C4orf33: variants seen among roughly 807,000 people sequenced by gnomAD.
C4orf33 encodes the protein chromosome 4 open reading frame 33.
A neutral mutation model predicts 24.3 loss-of-function variants in C4orf33; 20 were observed. The ratio of observed to expected loss-of-function variants is 0.82; its 90% confidence interval spans 0.58 to 1.19. The LOEUF is 1.19. C4orf33 is among the 50% of genes most tolerant of loss of function. The probability of loss-of-function intolerance (pLI) is 0.00; values close to 1 mark genes in which losing one functional copy is unlikely to be tolerated. For synonymous variants in C4orf33, 67 were observed against 76.4 expected (o/e 0.88, Z 0.64); for missense variants, 207 against 225.9 (o/e 0.92, Z 0.54).
intron 2 of C4orf33, among the ~76,000 whole-genome samples, chr4:129,105,085 A>G (rs186820327): frequency 6.6e-6 from 1 of 152,190 alleles, no homozygotes. Flanking sequence ...AGAAAGAGAG[A>G]GATCTATTTT....
intron 1 of C4orf33, among the ~76,000 whole-genome samples, chr4:129,097,288 A>G (rs1006950579): frequency 1.3e-5 from 2 of 152,234 alleles, no homozygotes; most frequent in Admixed American, 1.3e-4. Flanking sequence ...AGGTTTTTAA[A>G]AAGTGATGAA....
chr4:129,111,813 A>G lies in C4orf33; in HGVS notation c.*22A>G, dbSNP rs750065125. The G allele has an allele frequency of 2.8e-5, 39 of 1,404,094 alleles. No homozygotes were observed. The highest frequency in any genetic ancestry group is 3.5e-4 in the Middle Eastern group (2 of 5,676). The allele number at this position is 1,404,094 out of a possible 1,614,324, so 87.0% of individuals were successfully genotyped here. On this transcript the variant is annotated 3_prime_UTR_variant, in exon 6 of 6. Coordinates refer to ENST00000425929, the MANE Select transcript of C4orf33 (RefSeq NM_001099783.2). ...ATAGGAGTAATAGATAACCATACCG[A>G]TCATTTTTTCCTCTATACCTTTTAA... is the stretch of plus-strand genomic sequence containing the variant.
intron 1 of C4orf33, among the ~76,000 whole-genome samples, chr4:129,099,589 T>C (rs1753294584): frequency 1.3e-5 from 2 of 152,200 alleles, no homozygotes; most frequent in Non-Finnish European, 2.9e-5. Flanking sequence ...TAAACAAATA[T>C]GTAATGCCAT....
intron 1 of C4orf33, among the ~76,000 whole-genome samples, chr4:129,099,106 C>A (rs1192481528): frequency 6.6e-6 from 1 of 152,166 alleles, no homozygotes; most frequent in East Asian, 1.9e-4. Flanking sequence ...TTATTTAACT[C>A]TCTTTTTATT....
chr4:129,109,131 C>T (rs1255368095), intron 3 of C4orf33, among the ~76,000 whole-genome samples, 176 bp from the exon 4 acceptor site: 1 of 152,220 alleles, frequency 6.6e-6, no homozygotes, highest in Non-Finnish European at 1.5e-5. Context: ...CCTCGTGATC[C>T]ACCCGCCTTG....
chr4:129,099,844 C>T (rs997219698), intron 1 of C4orf33, among the ~76,000 whole-genome samples: 22 of 151,746 alleles, frequency 1.4e-4, no homozygotes, highest in African/African-American at 4.1e-4. Flanking sequence ...CTGGGCAGGA[C>T]GGACTATACT....
At position 129,112,444 on chromosome 4, in the gene C4orf33, C is replaced by A. The variant is rs1753712004; in HGVS notation, c.*653C>A. 6.6e-6 allele frequency: 1 copy of A among 152,138 alleles called. No homozygotes were observed. Among genetic ancestry groups the A allele is most frequent in the African/African-American group, 2.4e-5 (1 of 41,438 alleles). 9.4% of individuals were successfully genotyped at this position (152,138 alleles called of 1,614,324 possible). A position where few individuals can be genotyped will look rare whatever the true frequency, so the allele number is the denominator to read the frequency against. On this transcript the variant is annotated 3_prime_UTR_variant, in exon 6 of 6. Transcript: ENST00000425929. ...TAATATTTGATGATAGATACCAGAA[C>A]AGTGGCTGCTTAGAGTGAGGGCAGG...
upstream of C4orf33, among the ~76,000 whole-genome samples, chr4:129,095,431 AG>A (rs1275382713): frequency 1.3e-5 from 2 of 152,238 alleles, no homozygotes; most frequent in African/African-American, 4.8e-5. Context: ...GAAAGAATTC[AG>A]TGGATGTTCA....
intron 2 of C4orf33, among the ~76,000 whole-genome samples, chr4:129,103,846 A>G (rs1753437371): frequency 6.6e-6 from 1 of 152,218 alleles, no homozygotes; most frequent in Non-Finnish European, 1.5e-5. Flanking sequence ...TTCTTCAAAG[A>G]AGATTTTGAT....
rs916883556 is a variant in C4orf33, at chr4:129,113,758, G to GT, written c.*1973dup. 3.1e-4 allele frequency: 35 copies of GT among 112,962 alleles called. No individual in the cohort carries two copies. Among genetic ancestry groups the GT allele is most frequent in the Non-Finnish European group, 6.9e-4 (34 of 49,548 alleles). 7.0% of individuals were successfully genotyped at this position (112,962 alleles called of 1,614,324 possible). On this transcript the variant is annotated 3_prime_UTR_variant, in exon 6 of 6. Transcript: ENST00000425929. Reference sequence around the variant, plus strand: ...ACTACTTTTTTTAAACGTTAAAAAGGTTTTTTGCCACAGGAAAAAAAACAT... The same window carrying GT: ...ACTACTTTTTTTAAACGTTAAAAAGGTTTTTTTGCCACAGGAAAAAAAACAT...
At chr4:129,107,912 G>T (rs1369399890) in intron 3 of C4orf33, among the ~76,000 whole-genome samples, 4 of 151,966 alleles carry the variant, frequency 2.6e-5, no homozygotes, top group Admixed American at 2.6e-4. Context: ...ATTCTCTCTT[G>T]TTAAGAAATT....
chr4:129,101,588 C>G (rs1376841336), intron 1 of C4orf33, among the ~76,000 whole-genome samples: 1 of 152,062 alleles, frequency 6.6e-6, no homozygotes, highest in Admixed American at 6.6e-5. Flanking sequence ...ATATGCTAGT[C>G]ACGTGACCTT....
intron 3 of C4orf33, 47 bp from the exon 4 acceptor site, chr4:129,109,260 A>G: frequency 6.5e-7 from 1 of 1,531,428 alleles, no homozygotes; most frequent in Non-Finnish European, 9.0e-7. Flanking sequence ...TGAAGAAAAT[A>G]ACATTCATGT....
intron 2 of C4orf33, among the ~76,000 whole-genome samples, chr4:129,103,858 A>G (rs1319622928): frequency 1.3e-5 from 2 of 152,190 alleles, no homozygotes; most frequent in African/African-American, 4.8e-5. Flanking sequence ...GATTTTGATG[A>G]ATCTTCTAGT....
rs182346325 is a variant in C4orf33, at chr4:129,109,609, G to A, written c.431G>A (p.Arg144Gln). The change falls in exon 5 of 6, where the codon CGA (arginine) becomes CAA (glutamine). Residue 144 changes from arginine (R) to glutamine (Q), a missense_variant. Arg to Gln is a conservative substitution (Grantham distance 43). Coordinates refer to ENST00000425929, the MANE Select transcript of C4orf33 (RefSeq NM_001099783.2). ...GCAATTCATGGATCAAAAGATAAAC[G>A]AAGTTATGAAGCTCTTTACCCTGTA... ...SFAIHGSKDK[R>Q]SYEALYPVPQ... The A allele has an allele frequency of 2.2e-5, 36 of 1,614,014 alleles. No homozygotes were observed. The Middle Eastern group carries it at 5.0e-4, about 22-fold the overall frequency.
intron 3 of C4orf33, 95 bp downstream of exon 3, chr4:129,106,742 G>T (rs1469296416): frequency 1.7e-5 from 11 of 635,258 alleles, no homozygotes; most frequent in Admixed American, 3.5e-5. Context: ...ATTAATTCCA[G>T]AGTAAGAATG....
chr4:129,112,045 A>G lies in C4orf33; in HGVS notation c.*254A>G. On this transcript the variant is annotated 3_prime_UTR_variant, in exon 6 of 6. Coordinates refer to ENST00000425929, the MANE Select transcript of C4orf33 (RefSeq NM_001099783.2). ...TAGTCCAGGATGTTGCATTCCCAGC[A>G]CACAGTACAGTTATTCTTGAAAACT... 1 of 320,926 alleles carries G rather than the reference A, an allele frequency of 3.1e-6. No homozygotes were observed. Among genetic ancestry groups the G allele is most frequent in the Non-Finnish European group, 5.8e-6 (1 of 173,728 alleles). 19.9% of individuals were successfully genotyped at this position (320,926 alleles called of 1,614,324 possible).
At chr4:129,095,967 T>C (rs1168756572), upstream of C4orf33, among the ~76,000 whole-genome samples, 1 of 152,254 alleles carries the variant, frequency 6.6e-6, no homozygotes, top group Admixed American at 6.5e-5. Flanking sequence ...AGTATTTATA[T>C]TTCTGAATCA....
chr4:129,106,780 C>G, intron 3 of C4orf33, 133 bp downstream of exon 3: 1 of 509,472 alleles, frequency 2.0e-6, no homozygotes, highest in Non-Finnish European at 3.5e-6. Flanking sequence ...GAATGATATG[C>G]TTTTATATAT....
Sources: gnomAD v4.1 joint callset for allele counts (sites outside exome capture counted in the v4.1 genomes callset) on GRCh38, gnomAD v4.1.1 for gene constraint, MANE v1.5 for transcripts, NCBI Gene and HGNC (gene_info 2026-07-23, HGNC 2026-07-21) for gene names.